The following TRMT11 variants were observed in gnomAD, a reference collection of about 807,000 sequenced individuals.
The protein encoded by TRMT11 is tRNA methyltransferase 11, also known as tRNA (guanine(10)-N(2))-methyltransferase TRMT11.
Under a neutral mutation model 62.8 loss-of-function variants are expected in TRMT11, and 53 were observed. That is an observed-to-expected ratio of 0.84 (90% confidence interval 0.68 to 1.06). The LOEUF (loss-of-function observed/expected upper bound fraction) is 1.06, where lower values mean the gene tolerates loss of function less well. TRMT11 is among the 50% of genes least tolerant of loss of function. The pLI is 0.00. For missense variants in TRMT11, 556 were observed against 553.4 expected (o/e 1.00, Z -0.05); for synonymous variants, 188 against 190.3 (o/e 0.99, Z 0.10).
At chr6:126,045,323 C>A (rs1766671218) in intron 16 of TRMT11, among the ~76,000 whole-genome samples, 1 of 152,094 alleles carries the variant, frequency 6.6e-6, no homozygotes. Flanking sequence ...AGAGCAAAAT[C>A]TCAGACCCTT....
At chr6:125,992,867 A>T (rs756874148) in intron 1 of TRMT11, among the ~76,000 whole-genome samples, 2 of 152,190 alleles carry the variant, frequency 1.3e-5, no homozygotes, top group Non-Finnish European at 2.9e-5. Flanking sequence ...GCCCCTTCTA[A>T]CACTGAATTT....
rs1462812296 is a variant in TRMT11 at position 126,074,177 on chromosome 6, TAAC to T, written c.*1437+20990_*1437+20992del. Reference sequence around the variant, plus strand: ...TATTAGGAATATCAGTATTTCTCCTTAACAAATAATTTAATAGTGAACAATATG... The same window carrying T: ...TATTAGGAATATCAGTATTTCTCCTTAAATAATTTAATAGTGAACAATATG... On this transcript the variant is annotated intron_variant and NMD_transcript_variant, in intron 17 of 22. Coordinates refer to the TRMT11 transcript ENST00000648977. Among the ~76,000 whole-genome samples the T allele has an allele frequency of 2.6e-5, 4 of 152,206 alleles. No homozygotes were observed. The East Asian group carries it at 7.7e-4, about 29-fold the overall frequency.
intron 21 of TRMT11, among the ~76,000 whole-genome samples, chr6:126,128,917 T>C (rs1031861136): frequency 4.5e-5 from 3 of 66,382 alleles, no homozygotes; most frequent in African/African-American, 5.5e-5. Context: ...GTTTTCTGAT[T>C]TTTTTTTTTT....
chr6:125,999,391 T>C (rs1792109960), intron 6 of TRMT11, 66 bp from the exon 7 acceptor site: 1 of 1,293,028 alleles, frequency 7.7e-7, no homozygotes, highest in Non-Finnish European at 1.1e-6. Context: ...AATGGTCTTA[T>C]TGTGAGTGAT....
At chr6:126,145,187 G>A (rs768957239) in intron 21 of TRMT11, among the ~76,000 whole-genome samples, 1 of 152,168 alleles carries the variant, frequency 6.6e-6, no homozygotes, top group South Asian at 2.1e-4. Context: ...TTGCAACCTG[G>A]TGTGAATCAA....
intron 21 of TRMT11, among the ~76,000 whole-genome samples, chr6:126,152,312 C>T (rs961241806): frequency 6.7e-6 from 1 of 149,278 alleles, no homozygotes; most frequent in African/African-American, 2.5e-5. Context: ...ACAGTTATTA[C>T]TTTTTAAAGC....
At chr6:126,015,377 C>T (rs1448089806) in intron 11 of TRMT11, among the ~76,000 whole-genome samples, 1 of 152,156 alleles carries the variant, frequency 6.6e-6, no homozygotes, top group Non-Finnish European at 1.5e-5. Context: ...CAGGTGTCTG[C>T]CACTGCGCCC....
intron 21 of TRMT11, among the ~76,000 whole-genome samples, chr6:126,163,702 G>T (rs1381376163): frequency 6.6e-6 from 1 of 152,058 alleles, no homozygotes; most frequent in African/African-American, 2.4e-5. Flanking sequence ...TTGGTTGGTA[G>T]GTTATTAATT....
chr6:126,049,123 A>G (rs114653165), intron 16 of TRMT11, among the ~76,000 whole-genome samples: 4 of 152,184 alleles, frequency 2.6e-5, no homozygotes, highest in Admixed American at 6.5e-5. Flanking sequence ...CATTTGTTCT[A>G]TATTTTCTCT....
chr6:126,217,459 AC>A, the TRMT11 span, among the ~76,000 whole-genome samples: 1 of 152,176 alleles, frequency 6.6e-6, no homozygotes, highest in African/African-American at 2.4e-5. Context: ...CATTGGGGGC[AC>A]CCAAACCTAG....
chr6:126,189,406 A>C (rs549195502), intron 1 of TRMT11, among the ~76,000 whole-genome samples: 4 of 152,284 alleles, frequency 2.6e-5, no homozygotes, highest in African/African-American at 9.6e-5. Context: ...ATTCTAAAGA[A>C]GGTTGGGGTA....
At position 126,011,193 on chromosome 6, in the gene TRMT11, T is replaced by C. The variant is rs1179990826; in HGVS notation, c.761-60T>C. 4.3e-6 allele frequency: 6 copies of C among 1,406,322 alleles called. No homozygotes were observed. In the African/African-American group the frequency reaches 7.3e-5, roughly 17 times the overall value. The allele number at this position is 1,406,322 out of a possible 1,614,324, so 87.1% of individuals were successfully genotyped here. On this transcript the variant is annotated intron_variant, in intron 8 of 12. Transcript: ENST00000334379. ...GAGTTAAAACATTACTTTTCCTAAA[T>C]GACAGAAAATAAGAATACTCTGTTT...
At chr6:126,058,526 G>A (rs1245327234) in intron 17 of TRMT11, among the ~76,000 whole-genome samples, 1 of 152,096 alleles carries the variant, frequency 6.6e-6, no homozygotes, top group Non-Finnish European at 1.5e-5. Flanking sequence ...TTGAGGAATC[G>A]CCACACTGTC....
chr6:126,236,758 G>A, the TRMT11 span, among the ~76,000 whole-genome samples: 1 of 152,118 alleles, frequency 6.6e-6, no homozygotes, highest in African/African-American at 2.4e-5. Flanking sequence ...AGATTTCTGA[G>A]TGGCTGTGTA....
At chr6:126,047,849 C>T (rs1448682851) in intron 16 of TRMT11, among the ~76,000 whole-genome samples, 1 of 152,218 alleles carries the variant, frequency 6.6e-6, no homozygotes, top group Non-Finnish European at 1.5e-5. Flanking sequence ...GGGCTTCTGT[C>T]AAAACTGAAC....
intron 21 of TRMT11, among the ~76,000 whole-genome samples, chr6:126,156,883 A>T (rs1353995314): frequency 1.3e-5 from 2 of 152,226 alleles, no homozygotes; most frequent in East Asian, 3.8e-4. Context: ...AAATTTTAAC[A>T]TGAGATTTGG....
chr6:126,079,749 T>A (rs1338452604), intron 17 of TRMT11, among the ~76,000 whole-genome samples: 1 of 152,124 alleles, frequency 6.6e-6, no homozygotes, highest in Non-Finnish European at 1.5e-5. Context: ...AAAAAAAGAT[T>A]TTGAACTATG....
intron 21 of TRMT11, among the ~76,000 whole-genome samples, chr6:126,117,691 G>C (rs1011263914): frequency 9.2e-5 from 14 of 152,056 alleles, no homozygotes; most frequent in Non-Finnish European, 1.2e-4. Context: ...ATGACCAACT[G>C]TAACCCCGCC....
At chr6:126,020,686 T>G (rs879848102) in intron 11 of TRMT11, among the ~76,000 whole-genome samples, 13 of 152,284 alleles carry the variant, frequency 8.5e-5, no homozygotes, top group Non-Finnish European at 1.9e-4. Context: ...ATTAGACGTT[T>G]AAATTTTAAC....
Sources: allele counts gnomAD v4.1 joint callset (sites outside exome capture counted in the v4.1 genomes callset), GRCh38; gene constraint gnomAD v4.1.1; transcripts MANE v1.5; gene names NCBI Gene and HGNC (gene_info 2026-07-23, HGNC 2026-07-21).